The following HS1BP3 variants were observed in gnomAD, a reference collection of about 807,000 sequenced individuals.
The protein encoded by HS1BP3 is HCLS1-binding protein 3.
HS1BP3 carries 32 observed loss-of-function variants against 33.5 expected under a neutral mutation model. The ratio of observed to expected loss-of-function variants is 0.95; its 90% CI spans 0.72 to 1.28. HS1BP3 has a LOEUF of 1.28. Ranked by LOEUF, HS1BP3 falls within the 50% of genes most tolerant of loss-of-function variation. HS1BP3 has a pLI of 0.00. For missense variants in HS1BP3, 486 were observed against 502.3 expected, an observed-to-expected ratio of 0.97 and a Z score of 0.31; for synonymous variants, 187 against 209.2, an observed-to-expected ratio of 0.89 and a Z score of 0.92.
chr2:20,622,820 G>A (rs1002539103), intron 6 of HS1BP3: 20 of 169,504 alleles, frequency 1.2e-4, no homozygotes, highest in Middle Eastern at 3.1e-3. Context: ...GATGTCAGGA[G>A]CGAGGACACA....
intron 5 of HS1BP3, among the ~76,000 whole-genome samples, chr2:20,574,839 G>A (rs748273764): frequency 1.3e-5 from 2 of 152,206 alleles, no homozygotes; most frequent in African/African-American, 2.4e-5. Flanking sequence ...AACTGAGCTA[G>A]GAGAGAAGTC....
At chr2:20,593,919 AG>A (rs1693884725) in intron 3 of HS1BP3, among the ~76,000 whole-genome samples, 1 of 152,222 alleles carries the variant, frequency 6.6e-6, no homozygotes, top group South Asian at 2.1e-4. Context: ...AACTGTGAAG[AG>A]TCCCCTAAAA....
intron 6 of HS1BP3, chr2:20,622,307 T>C (rs1262885740): frequency 2.8e-5 from 37 of 1,304,562 alleles, no homozygotes; most frequent in Non-Finnish European, 3.3e-5. Flanking sequence ...GTTACGGCTC[T>C]TTTTGAATTT....
chr2:20,640,798 C>A, intron 3 of HS1BP3, 175 bp downstream of exon 3: 1 of 655,668 alleles, frequency 1.5e-6, no homozygotes, highest in South Asian at 1.8e-5. Flanking sequence ...CAAGGGTAGG[C>A]CTCCTTCTGC....
intron 4 of HS1BP3, among the ~76,000 whole-genome samples, chr2:20,631,167 C>G (rs1175621330): frequency 6.6e-6 from 1 of 152,094 alleles, no homozygotes; most frequent in Non-Finnish European, 1.5e-5. Flanking sequence ...CTGGTGATGT[C>G]TAGGCTCACT....
At chr2:20,583,601 G>A (rs1205695520) in intron 5 of HS1BP3, among the ~76,000 whole-genome samples, 1 of 152,256 alleles carries the variant, frequency 6.6e-6, no homozygotes, top group Non-Finnish European at 1.5e-5. Context: ...AGCGGGTCAA[G>A]CCCATGTCTT....
chr2:20,559,729 TGG>T (rs1692942526), downstream of HS1BP3, among the ~76,000 whole-genome samples: 1 of 151,578 alleles, frequency 6.6e-6, no homozygotes, highest in Non-Finnish European at 1.5e-5. Flanking sequence ...GATGGATGGA[TGG>T]ATGGATGGAT....
chr2:20,569,476 T>G (rs1693213828), intron 5 of HS1BP3, among the ~76,000 whole-genome samples: 1 of 151,874 alleles, frequency 6.6e-6, no homozygotes, highest in Admixed American at 6.5e-5. Context: ...CCAACTAAAT[T>G]TGAGTTTTAG....
intron 5 of HS1BP3, among the ~76,000 whole-genome samples, chr2:20,561,369 C>T (rs1038668586): frequency 1.3e-5 from 2 of 152,216 alleles, no homozygotes; most frequent in Non-Finnish European, 2.9e-5. Context: ...TACACATTTG[C>T]AGAACAAATG....
intron 5 of HS1BP3, chr2:20,560,578 T>C (rs1046257381): frequency 1.3e-5 from 2 of 152,226 alleles, no homozygotes; most frequent in Non-Finnish European, 2.9e-5. Flanking sequence ...ACCTCTACTA[T>C]GTTAGCATTG....
intron 2 of HS1BP3, among the ~76,000 whole-genome samples, chr2:20,610,126 T>G (rs1694288334): frequency 6.6e-6 from 1 of 152,194 alleles, no homozygotes; most frequent in African/African-American, 2.4e-5. Context: ...ACATGCCTCC[T>G]GCCCCCACAC....
chr2:20,574,280 C>T (rs1275003255), intron 5 of HS1BP3, among the ~76,000 whole-genome samples: 1 of 152,192 alleles, frequency 6.6e-6, no homozygotes, highest in Non-Finnish European at 1.5e-5. Flanking sequence ...AATCAAAGAA[C>T]AAGCTCTTAG....
intron 2 of HS1BP3, among the ~76,000 whole-genome samples, chr2:20,599,648 A>T (rs200493981): frequency 0.02 from 2,688 of 132,050 alleles, 91 homozygotes; most frequent in African/African-American, 0.076. Flanking sequence ...ACACACACAC[A>T]CTCTGTTTTT....
chr2:20,650,961 TC>T, intron 1 of HS1BP3, 70 bp downstream of exon 1: 1 of 1,185,566 alleles, frequency 8.4e-7, no homozygotes, highest in Non-Finnish European at 1.1e-6. Context: ...GGCGGCGGCC[TC>T]CCCCCGCCTC....
chr2:20,599,329 C>T (rs1694017162), intron 2 of HS1BP3, among the ~76,000 whole-genome samples: 2 of 152,246 alleles, frequency 1.3e-5, no homozygotes, highest in Non-Finnish European at 2.9e-5. Flanking sequence ...GTTGGCAATC[C>T]TGCCAGCCAC....
chr2:20,627,390 C>G (rs1187537840), intron 4 of HS1BP3, among the ~76,000 whole-genome samples: 2 of 152,228 alleles, frequency 1.3e-5, no homozygotes, highest in Non-Finnish European at 1.5e-5. Flanking sequence ...TTTGCATTGA[C>G]CAGAAATCAG....
chr2:20,631,828 A>G (rs564913983), intron 4 of HS1BP3, among the ~76,000 whole-genome samples: 1 of 152,220 alleles, frequency 6.6e-6, no homozygotes, highest in South Asian at 2.1e-4. Context: ...TGCAGCCTAC[A>G]TTCTACAGCA....
intron 2 of HS1BP3, among the ~76,000 whole-genome samples, chr2:20,642,016 C>T (rs1161423556): frequency 6.6e-6 from 1 of 152,244 alleles, no homozygotes; most frequent in Non-Finnish European, 1.5e-5. Flanking sequence ...TATACACACA[C>T]CATCGGCCTG....
intron 5 of HS1BP3, among the ~76,000 whole-genome samples, chr2:20,560,760 C>A (rs961082593): frequency 5.9e-5 from 9 of 152,096 alleles, no homozygotes; most frequent in Admixed American, 3.3e-4. Context: ...CTGGCTCTTG[C>A]CTTCATCCCT....
Sources: allele counts gnomAD v4.1 joint callset (sites outside exome capture counted in the v4.1 genomes callset), GRCh38; gene constraint gnomAD v4.1.1; transcripts MANE v1.5; gene names NCBI Gene and HGNC (gene_info 2026-07-23, HGNC 2026-07-21).